DUSP23: variants seen among roughly 807,000 people sequenced by gnomAD.
DUSP23 encodes the protein dual specificity protein phosphatase 23.
DUSP23 carries 10 observed loss-of-function variants against 13.3 expected under a neutral mutation model. The ratio of observed to expected loss-of-function variants is 0.75; its 90% CI spans 0.46 to 1.27. DUSP23 has a LOEUF of 1.27. Among genes scored for constraint, DUSP23 ranks in the 50% most tolerant of loss-of-function variants. DUSP23 has a pLI of 0.00. For synonymous variants in DUSP23, 107 were observed against 95.3 expected (o/e 1.12, Z -0.72); for missense variants, 228 against 204.8 (o/e 1.11, Z -0.69).
chr1:159,781,349 G>T lies in DUSP23; in HGVS notation c.249G>T (p.Glu83Asp). Residue 83 changes from glutamate to aspartate, a missense_variant, in exon 1 of 2, where the codon GAG becomes GAT. Coordinates refer to ENST00000368107, the MANE Select transcript of DUSP23 (RefSeq NM_001319658.2). The part of the protein sequence containing the change: ...QIDRFVQIVD[E>D]ANARGEAVGV... ...ACCGCTTCGTGCAGATCGTGGACGAGGCCAACGCACGGGGAGAGGTCAGCG... is the reference window on the plus strand; with the variant it reads ...ACCGCTTCGTGCAGATCGTGGACGATGCCAACGCACGGGGAGAGGTCAGCG... 1 of 1,528,266 alleles carries T rather than the reference G, an allele frequency of 6.5e-7. No homozygotes were observed. The highest frequency in any genetic ancestry group is 8.8e-7 in the Non-Finnish European group (1 of 1,135,614). 94.7% of individuals were successfully genotyped at this position (1,528,266 alleles called of 1,614,324 possible).
In DUSP23 at chr1:159,782,487, C is replaced by G; in HGVS notation, c.*149C>G. The G allele has an allele frequency of 1.1e-6, 1 of 915,024 alleles. No homozygotes were observed. Among genetic ancestry groups the G allele is most frequent in the Non-Finnish European group, 1.6e-6 (1 of 614,270 alleles). The allele number at this position is 915,024 out of a possible 1,614,324, so 56.7% of individuals were successfully genotyped here. On this transcript the variant is annotated 3_prime_UTR_variant, in exon 2 of 2. Coordinates refer to ENST00000368107, the MANE Select transcript of DUSP23 (RefSeq NM_001319658.2). ...AGTAGCCCACCCCTGCAGGCAGGTC[C>G]TGATTGAAGGGGAGGCTTGTACTGC...
rs1239696400 is a variant in DUSP23, at chr1:159,781,072, G to C, written c.-29G>C. On this transcript the variant is annotated 5_prime_UTR_variant, in exon 1 of 2. It removes an upstream start codon present in the reference 5' UTR. Coordinates refer to ENST00000368107, the MANE Select transcript of DUSP23 (RefSeq NM_001319658.2). ...GGGGCTGGCCAGCCTCGGCCCCCAT[G>C]ACCCGCTGTCCTGTGCCCTTTCCCA... The C allele has an allele frequency of 6.6e-7, 1 of 1,524,350 alleles. No individual in the cohort carries two copies. The highest frequency in any genetic ancestry group is 2.0e-5 in the Admixed American group (1 of 50,080). The allele number at this position is 1,524,350 out of a possible 1,614,324, so 94.4% of individuals were successfully genotyped here. A position where few individuals can be genotyped will look rare whatever the true frequency, so the allele number is the denominator to read the frequency against.
rs1252953259 is a variant in DUSP23, at chr1:159,781,492, G to A, written c.267+125G>A. 5.4e-6 allele frequency: 7 copies of A among 1,287,174 alleles called. No individual in the cohort carries two copies. In the Admixed American group the frequency reaches 9.0e-5, roughly 16 times the overall value. 79.7% of individuals were successfully genotyped at this position (1,287,174 alleles called of 1,614,324 possible). On this transcript the variant is annotated intron_variant, in intron 1 of 1. Coordinates refer to ENST00000368107, the MANE Select transcript of DUSP23 (RefSeq NM_001319658.2). ...CTCGGGGAGGCAGACAGTAGGGCCG[G>A]GAGACTGGGAAGCCAGTGCGGGGGA...
intron 1 of DUSP23, 114 bp downstream of exon 1, chr1:159,781,481 C>G: frequency 7.5e-7 from 1 of 1,332,574 alleles, no homozygotes. Context: ...GGGAGGCAGA[C>G]AGTAGGGCCG....
At position 159,781,039 on chromosome 1, in the gene DUSP23, G is replaced by A. The variant is rs1195626861; in HGVS notation, c.-62G>A. The A allele has an allele frequency of 2.7e-6, 4 of 1,471,012 alleles. No individual in the cohort carries two copies. Among genetic ancestry groups the A allele is most frequent in the Non-Finnish European group, 3.6e-6 (4 of 1,113,190 alleles). 91.1% of individuals were successfully genotyped at this position (1,471,012 alleles called of 1,614,324 possible). On this transcript the variant is annotated 5_prime_UTR_variant, in exon 1 of 2. Coordinates refer to ENST00000368107, the MANE Select transcript of DUSP23 (RefSeq NM_001319658.2). ...CTCGGAGCGGGCGAGGGGACGCGTG[G>A]GCGGAGCGGGGCTGGCCAGCCTCGG...
chr1:159,782,187 G>A lies in DUSP23; in HGVS notation c.302G>A (p.Arg101His), dbSNP rs1448416648. 3.1e-6 allele frequency: 5 copies of A among 1,613,994 alleles called. No individual in the cohort carries two copies. The South Asian group carries it at 3.3e-5, about 11-fold the overall frequency. The change falls in exon 2 of 2, where the codon CGC becomes CAC. Residue 101 changes from arginine to histidine, a missense_variant. Transcript: ENST00000368107. ...VGVHCALGFG[R>H]TGTMLACYLV... ...GTGCACTGTGCTCTGGGCTTTGGCC[G>A]CACTGGCACCATGCTGGCCTGTTAC...
intron 1 of DUSP23, 65 bp downstream of exon 1, chr1:159,781,432 G>T: frequency 7.0e-7 from 1 of 1,433,642 alleles, no homozygotes. Flanking sequence ...CACGGGCGGA[G>T]CTGGGGAGAC....
At position 159,781,180 on chromosome 1, in the gene DUSP23, A is replaced by C; in HGVS notation, c.80A>C (p.His27Pro). Residue 27 changes from histidine (H) to proline (P), a missense_variant, in exon 1 of 2, where the codon CAC becomes CCC. His to Pro is a moderately conservative substitution (Grantham distance 77). Coordinates refer to ENST00000368107, the MANE Select transcript of DUSP23 (RefSeq NM_001319658.2). The stretch of plus-strand genomic sequence containing the variant: ...CTGGCGCTGCCGCGGCTCCCCGCCC[A>C]CTACCAGTTCCTGTTGGACCTGGGC... ...AGLALPRLPA[H>P]YQFLLDLGVR... 6.5e-7 allele frequency: 1 copy of C among 1,549,102 alleles called. No individual in the cohort carries two copies.
Position 159,782,410 on chromosome 1 carries a change from G to T in DUSP23, c.*72G>T. ...TTGTCGATGGGGCCAGAGATGAAGG[G>T]AAGTGGACTAAAGTATTAAACCCTC... is the stretch of plus-strand genomic sequence containing the variant. On this transcript the variant is annotated 3_prime_UTR_variant, in exon 2 of 2. Transcript: ENST00000368107. The T allele has an allele frequency of 6.5e-7, 1 of 1,541,296 alleles. No individual in the cohort carries two copies. Among genetic ancestry groups the T allele is most frequent in the Non-Finnish European group, 8.8e-7 (1 of 1,132,142 alleles).
intron 1 of DUSP23, among the ~76,000 whole-genome samples, 156 bp downstream of exon 1, chr1:159,781,523 G>T (rs1457287305): frequency 6.6e-6 from 1 of 152,188 alleles, no homozygotes; most frequent in South Asian, 2.1e-4. Context: ...GGGGAGGGAA[G>T]CGCTAAACGG....
chr1:159,782,107 G>T lies in DUSP23; in HGVS notation c.268-46G>T, dbSNP rs893791544. The T allele has an allele frequency of 1.9e-6, 3 of 1,601,088 alleles. No individual in the cohort carries two copies. In the African/African-American group the frequency reaches 4.0e-5, roughly 21 times the overall value. On this transcript the variant is annotated intron_variant, in intron 1 of 1. Coordinates refer to ENST00000368107, the MANE Select transcript of DUSP23 (RefSeq NM_001319658.2). ...ACCAAGTGAGGGGCAGGAAACAGTT[G>T]TGGGTGGGGGAGTTGAGTGGCACCC...
At chr1:159,781,405 G>A (rs769332056) in intron 1 of DUSP23, 38 bp downstream of exon 1, 273 of 1,459,056 alleles carry the variant, frequency 1.9e-4, no homozygotes, top group Non-Finnish European at 2.4e-4. Context: ...GGAGGGGCCT[G>A]GAAGGTCAGC....
intron 1 of DUSP23, 53 bp downstream of exon 1, chr1:159,781,420 G>T (rs943679492): frequency 1.4e-6 from 2 of 1,446,590 alleles, no homozygotes; most frequent in East Asian, 2.6e-5. Flanking sequence ...GTCAGCGGGG[G>T]ACACGGGCGG....
chr1:159,781,359 C>G lies in DUSP23; in HGVS notation c.259C>G (p.Arg87Gly), dbSNP rs981446053. ...GCAGATCGTGGACGAGGCCAACGCA[C>G]GGGGAGAGGTCAGCGGGCGGGGTCA... ...FVQIVDEANARGEAVGVHCAL... is the reference protein window; with the variant it reads ...FVQIVDEANAGGEAVGVHCAL... The change falls in exon 1 of 2, where the codon CGG becomes GGG. Residue 87 changes from arginine (R) to glycine (G), a missense_variant. Physicochemically the swap from Arg to Gly is moderately radical, Grantham distance 125 (BLOSUM62 -2). Coordinates refer to ENST00000368107, the MANE Select transcript of DUSP23 (RefSeq NM_001319658.2). The G allele has an allele frequency of 4.8e-5, 72 of 1,514,504 alleles. No homozygotes were observed. Among genetic ancestry groups the G allele is most frequent in the Non-Finnish European group, 5.9e-5 (66 of 1,127,952 alleles). 93.8% of individuals were successfully genotyped at this position (1,514,504 alleles called of 1,614,324 possible).
chr1:159,781,409 G>C, intron 1 of DUSP23, 42 bp downstream of exon 1: 1 of 1,452,622 alleles, frequency 6.9e-7, no homozygotes, highest in Non-Finnish European at 9.1e-7. Flanking sequence ...GGGCCTGGAA[G>C]GTCAGCGGGG....
chr1:159,781,169 G>T lies in DUSP23; in HGVS notation c.69G>T (p.Arg23=). 6.5e-7 allele frequency: 1 copy of T among 1,549,070 alleles called. No individual in the cohort carries two copies. ...GGCTGGCGGGACTGGCGCTGCCGCG[G>T]CTCCCCGCCCACTACCAGTTCCTGT... ...PGRLAGLALP[R]LPAHYQFLLD... Residue 23 remains arginine, a synonymous_variant, in exon 1 of 2, where the codon CGG becomes CGT. Coordinates refer to ENST00000368107, the MANE Select transcript of DUSP23 (RefSeq NM_001319658.2).
Position 159,782,507 on chromosome 1 carries a change from T to TCCC in DUSP23, c.*169_*170insCCC. The TCCC allele has an allele frequency of 1.3e-6, 1 of 748,048 alleles. No individual in the cohort carries two copies. Among genetic ancestry groups the TCCC allele is most frequent in the Non-Finnish European group, 2.1e-6 (1 of 469,196 alleles). 46.3% of individuals were successfully genotyped at this position (748,048 alleles called of 1,614,324 possible). ...AGGTCCTGATTGAAGGGGAGGCTTG[T>TCCC]ACTGCTTTGTTGAATAAATGAGTTT... On this transcript the variant is annotated 3_prime_UTR_variant, in exon 2 of 2. Coordinates refer to ENST00000368107, the MANE Select transcript of DUSP23 (RefSeq NM_001319658.2).
Position 159,781,158 on chromosome 1 carries a change from G to C in DUSP23, c.58G>C (p.Ala20Pro), listed in dbSNP as rs1327995988. ...WVLPGRLAGL[A>P]LPRLPAHYQF... ...GCTTCCGGGCCGGCTGGCGGGACTG[G>C]CGCTGCCGCGGCTCCCCGCCCACTA... The change falls in exon 1 of 2, where the codon GCG becomes CCG. Residue 20 changes from alanine to proline, a missense_variant. Transcript: ENST00000368107. 1.9e-6 allele frequency: 3 copies of C among 1,548,832 alleles called. No individual in the cohort carries two copies. The highest frequency in any genetic ancestry group is 2.7e-5 in the African/African-American group (2 of 72,968).
Position 159,781,153 on chromosome 1 carries a change from G to T in DUSP23, c.53G>T (p.Gly18Val). Residue 18 changes from glycine to valine, a missense_variant, in exon 1 of 2, where the codon GGA (glycine) becomes GTA (valine). Physicochemically the swap from Gly to Val is moderately radical, Grantham distance 109 (BLOSUM62 -3). Transcript: ENST00000368107. The stretch of plus-strand genomic sequence containing the variant: ...TGGGTGCTTCCGGGCCGGCTGGCGG[G>T]ACTGGCGCTGCCGCGGCTCCCCGCC... ...FSWVLPGRLAGLALPRLPAHY... is the reference protein window; with the variant it reads ...FSWVLPGRLAVLALPRLPAHY... 6.5e-7 allele frequency: 1 copy of T among 1,548,866 alleles called. No individual in the cohort carries two copies. The highest frequency in any genetic ancestry group is 8.7e-7 in the Non-Finnish European group (1 of 1,146,548).
Sources: allele counts gnomAD v4.1 joint callset (sites outside exome capture counted in the v4.1 genomes callset), GRCh38; gene constraint gnomAD v4.1.1; transcripts MANE v1.5; gene names NCBI Gene and HGNC (gene_info 2026-07-23, HGNC 2026-07-21).